The following PTPRD variants were observed in gnomAD, a reference collection of about 807,000 sequenced individuals.
PTPRD encodes receptor-type tyrosine-protein phosphatase delta.
A neutral mutation model predicts 214.5 loss-of-function variants in PTPRD; 34 were observed. That is an observed-to-expected ratio of 0.16 (90% CI 0.12 to 0.21). The LOEUF (loss-of-function observed/expected upper bound fraction) is 0.21, where lower values mean the gene tolerates loss of function less well. Among genes scored for constraint, PTPRD ranks in the 10% least tolerant of loss-of-function variants. The pLI is 1.00. For synonymous variants in PTPRD, 1,128 were observed against 845.7 expected, an observed-to-expected ratio of 1.33 and a Z score of -5.79; for missense variants, 2,545 against 2,398.7, an observed-to-expected ratio of 1.06 and a Z score of -1.27.
chr9:8,797,473 G>A (rs1434275), intron 11 of PTPRD, among the ~76,000 whole-genome samples: 3 of 151,972 alleles, frequency 2.0e-5, no homozygotes, highest in South Asian at 2.1e-4. Context: ...ATGTCTAAGC[G>A]ATATATGATG....
At chr9:9,905,189 A>G (rs2077262461) in intron 5 of PTPRD, among the ~76,000 whole-genome samples, 1 of 151,934 alleles carries the variant, frequency 6.6e-6, no homozygotes, top group African/African-American at 2.4e-5. Context: ...ACCATTACAC[A>G]TACGTATGTA....
chr9:8,648,741 T>A (rs2096745835), intron 12 of PTPRD, among the ~76,000 whole-genome samples: 1 of 152,216 alleles, frequency 6.6e-6, no homozygotes, highest in Non-Finnish European at 1.5e-5. Context: ...ACAATGCTTA[T>A]CAGCTTTTTT....
chr9:8,906,965 G>A (rs931470827), intron 11 of PTPRD, among the ~76,000 whole-genome samples: 1 of 151,986 alleles, frequency 6.6e-6, no homozygotes, highest in Non-Finnish European at 1.5e-5. Context: ...ATATGCAAGG[G>A]GAACCTGGAA....
chr9:8,979,811 G>C (rs910308190), intron 11 of PTPRD, among the ~76,000 whole-genome samples: 1 of 152,056 alleles, frequency 6.6e-6, no homozygotes, highest in Non-Finnish European at 1.5e-5. Context: ...CAGCCATTAT[G>C]GAAAAAAGTA....
intron 2 of PTPRD, among the ~76,000 whole-genome samples, chr9:10,359,181 C>G (rs1213644590): frequency 6.6e-6 from 1 of 151,818 alleles, no homozygotes; most frequent in Non-Finnish European, 1.5e-5. Flanking sequence ...CATTGTTCAG[C>G]CATCCTTTCT....
At chr9:8,717,063 G>T (rs1338614066) in intron 12 of PTPRD, among the ~76,000 whole-genome samples, 3 of 152,154 alleles carry the variant, frequency 2.0e-5, no homozygotes, top group Admixed American at 2.0e-4. Flanking sequence ...AGCTACTGGG[G>T]AGGCTGATGT....
chr9:10,243,155 G>C (rs2091441578), intron 3 of PTPRD, among the ~76,000 whole-genome samples: 1 of 151,840 alleles, frequency 6.6e-6, no homozygotes, highest in Non-Finnish European at 1.5e-5. Flanking sequence ...TCTTGAGGAG[G>C]GAGTTATTCA....
At chr9:8,844,576 T>C (rs745887758) in intron 11 of PTPRD, among the ~76,000 whole-genome samples, 1 of 152,306 alleles carries the variant, frequency 6.6e-6, no homozygotes, top group South Asian at 2.1e-4. Flanking sequence ...AAACTAACCA[T>C]CTGTACAATA....
intron 2 of PTPRD, among the ~76,000 whole-genome samples, chr9:10,537,930 C>T (rs1222806884): frequency 6.6e-6 from 1 of 152,100 alleles, no homozygotes; most frequent in African/African-American, 2.4e-5. Flanking sequence ...CCCAGTCGAA[C>T]TGAATTAGAA....
In PTPRD at chr9:8,934,471, A is replaced by AAATT. The variant is rs1299585010; in HGVS notation, c.-104+84225_-104+84226insAATT. ...TAAATTTATATATATATAAATATAT[A>AAATT]TATATAAATATATATATATATAAAT... On this transcript the variant is annotated intron_variant, in intron 11 of 45. Transcript: ENST00000381196. 4.0e-3 allele frequency among the ~76,000 whole-genome samples: 55 copies of AAATT among 13,748 alleles called. 2 individuals are homozygous for AAATT. Among genetic ancestry groups the AAATT allele is most frequent in the African/African-American group, 0.013 (43 of 3,386 alleles). The allele number at this position is 13,748 out of a possible 152,430, so 9.0% of individuals were successfully genotyped here. A position where few individuals can be genotyped will look rare whatever the true frequency, so the allele number is the denominator to read the frequency against.
At chr9:8,970,955 C>A (rs1221199922) in intron 11 of PTPRD, among the ~76,000 whole-genome samples, 1 of 151,376 alleles carries the variant, frequency 6.6e-6, no homozygotes, top group Non-Finnish European at 1.5e-5. Context: ...ACAGAATTAA[C>A]CGGAGATATG....
At chr9:9,829,301 TC>T (rs2054025518) in intron 5 of PTPRD, among the ~76,000 whole-genome samples, 1 of 151,820 alleles carries the variant, frequency 6.6e-6, no homozygotes, top group African/African-American at 2.4e-5. Context: ...TCTTTTGATT[TC>T]TACTAATCTA....
chr9:10,518,708 A>ATT (rs1221320436), intron 2 of PTPRD, among the ~76,000 whole-genome samples: 1 of 151,530 alleles, frequency 6.6e-6, no homozygotes, highest in African/African-American at 2.4e-5. Flanking sequence ...AATTTTTTGT[A>ATT]TTTTTAGTAC....
intron 2 of PTPRD, among the ~76,000 whole-genome samples, chr9:10,398,359 C>G (rs1019716769): frequency 6.6e-6 from 1 of 151,762 alleles, no homozygotes; most frequent in Admixed American, 6.6e-5. Context: ...CCAGCCTGGA[C>G]TACAGATATG....
At chr9:10,560,874 G>C (rs1460038897) in intron 2 of PTPRD, among the ~76,000 whole-genome samples, 1 of 152,168 alleles carries the variant, frequency 6.6e-6, no homozygotes, top group Non-Finnish European at 1.5e-5. Flanking sequence ...TATAGAGCCT[G>C]TCCATCACTG....
chr9:9,498,685 A>G (rs989715838), intron 8 of PTPRD, among the ~76,000 whole-genome samples: 2 of 152,104 alleles, frequency 1.3e-5, no homozygotes, highest in Non-Finnish European at 2.9e-5. Context: ...ACCTCATTAG[A>G]ATGATCATTC....
intron 11 of PTPRD, among the ~76,000 whole-genome samples, chr9:8,851,845 T>C (rs2570302): frequency 0.57 from 86,583 of 151,778 alleles, 26,151 homozygotes; most frequent in African/African-American, 0.79. Flanking sequence ...GGCATAAATT[T>C]AGTTCTTCCT....
At chr9:8,380,659 G>A (rs148999406) in intron 37 of PTPRD, among the ~76,000 whole-genome samples, 103 of 152,158 alleles carry the variant, frequency 6.8e-4, no homozygotes, top group African/African-American at 2.3e-3. Flanking sequence ...TCAAGTTGAT[G>A]GAATAATAAA....
At chr9:10,037,517 T>C (rs140647595) in intron 3 of PTPRD, among the ~76,000 whole-genome samples, 168 of 150,276 alleles carry the variant, frequency 1.1e-3, no homozygotes, top group Non-Finnish European at 2.0e-3. Context: ...TGTGGAAATG[T>C]AAACTAATTA....
Sources: allele counts gnomAD v4.1 joint callset (sites outside exome capture counted in the v4.1 genomes callset), GRCh38; gene constraint gnomAD v4.1.1; transcripts MANE v1.5; gene names NCBI Gene and HGNC (gene_info 2026-07-23, HGNC 2026-07-21).